DPYS: variants seen among roughly 807,000 people sequenced by gnomAD.
DPYS encodes the protein dihydropyrimidinase.
Under a neutral mutation model 50.3 loss-of-function variants are expected in DPYS, and 39 were observed. The observed-to-expected ratio is 0.78, with a 90% CI of 0.60 to 1.01. The LOEUF (loss-of-function observed/expected upper bound fraction) is 1.01, where lower values mean the gene tolerates loss of function less well. DPYS is among the 50% of genes least tolerant of loss of function. The pLI is 0.00. For missense variants in DPYS, 659 were observed against 680.9 expected, an observed-to-expected ratio of 0.97 and a Z score of 0.36; for synonymous variants, 245 against 250.7, an observed-to-expected ratio of 0.98 and a Z score of 0.22.
intron 4 of DPYS, among the ~76,000 whole-genome samples, chr8:104,431,802 AC>A (rs1812965884): frequency 6.6e-6 from 1 of 152,206 alleles, no homozygotes; most frequent in African/African-American, 2.4e-5. Context: ...AATGTGCTCA[AC>A]ACACACTGGC....
In DPYS at chr8:104,394,252, G is replaced by A. The variant is rs889298061; in HGVS notation, c.1236-1261C>T. ...TGGAAGGGCTGATGAGGAAGCCCCCGCTGCTGTGTGCTGCAGTCCTAGTAA... is the reference window on the plus strand; with the variant it reads ...TGGAAGGGCTGATGAGGAAGCCCCCACTGCTGTGTGCTGCAGTCCTAGTAA... On this transcript the variant is annotated intron_variant, in intron 7 of 9. Coordinates refer to ENST00000351513, the MANE Select transcript of DPYS (RefSeq NM_001385.3). 4.6e-5 allele frequency among the ~76,000 whole-genome samples: 7 copies of A among 152,292 alleles called. No homozygotes were observed. In the South Asian group the frequency reaches 6.2e-4, roughly 14 times the overall value.
chr8:104,386,353 T>A (rs1811211992), intron 8 of DPYS, among the ~76,000 whole-genome samples: 1 of 151,762 alleles, frequency 6.6e-6, no homozygotes, highest in African/African-American at 2.4e-5. Context: ...GTCAACATGG[T>A]GAAACCCCGT....
intron 5 of DPYS, among the ~76,000 whole-genome samples, chr8:104,428,490 G>C (rs1242381942): frequency 6.6e-6 from 1 of 152,248 alleles, no homozygotes; most frequent in African/African-American, 2.4e-5. Flanking sequence ...AAATATGTGA[G>C]AGAAAACTCC....
chr8:104,466,573 C>T lies in DPYS; in HGVS notation c.264+84G>A, dbSNP rs761896426. ...CTCGGCGCCGCGCCGCGCGAGGCGG[C>T]CCTGCTGAGGACCCCGGGACGACTG... On this transcript the variant is annotated intron_variant, in intron 1 of 9. Coordinates refer to ENST00000351513, the MANE Select transcript of DPYS (RefSeq NM_001385.3). The T allele has an allele frequency of 9.3e-4, 1,287 of 1,384,928 alleles. 3 individuals are homozygous for T. The highest frequency in any genetic ancestry group is 1.1e-3 in the Non-Finnish European group (1,217 of 1,066,428). 85.8% of individuals were successfully genotyped at this position (1,384,928 alleles called of 1,614,324 possible).
At position 104,455,552 on chromosome 8, in the gene DPYS, G is replaced by A. The variant is rs1156624818; in HGVS notation, c.265-4148C>T. On this transcript the variant is annotated intron_variant, in intron 1 of 9. Transcript: ENST00000351513. Reference sequence around the variant, plus strand: ...AACATCCTGAGAGTGAGGTGCTTGGGCACGTGTCCACCTGGTGGCATTTGC... The same window carrying A: ...AACATCCTGAGAGTGAGGTGCTTGGACACGTGTCCACCTGGTGGCATTTGC... Among the ~76,000 whole-genome samples the A allele has an allele frequency of 2.0e-5, 3 of 152,210 alleles. No homozygotes were observed. The East Asian group carries it at 5.8e-4, about 29-fold the overall frequency.
At chr8:104,437,264 A>G (rs1813184833) in intron 4 of DPYS, among the ~76,000 whole-genome samples, 1 of 152,146 alleles carries the variant, frequency 6.6e-6, no homozygotes, top group Admixed American at 6.5e-5. Context: ...TAGCCTTGTC[A>G]GAGGTGTTCC....
At chr8:104,392,697 C>T in intron 8 of DPYS, 87 bp downstream of exon 8, 4 of 1,520,776 alleles carry the variant, frequency 2.6e-6, no homozygotes, top group Non-Finnish European at 3.6e-6. Flanking sequence ...GATGTGTCAA[C>T]ACCACTACTA....
chr8:104,462,377 A>C (rs766213529), intron 1 of DPYS, among the ~76,000 whole-genome samples: 9 of 152,218 alleles, frequency 5.9e-5, no homozygotes, highest in African/African-American at 1.2e-4. Context: ...TATAAATACA[A>C]CTAAATGTGT....
intron 5 of DPYS, among the ~76,000 whole-genome samples, chr8:104,428,557 AGGGCAGGCCCTCCG>A (rs1045295987): frequency 3.3e-5 from 5 of 152,252 alleles, no homozygotes; most frequent in Non-Finnish European, 4.4e-5. Context: ...TCATGAATGG[AGGGCAGGCCCTCCG>A]GGGCAGTCCC....
At chr8:104,462,456 T>C (rs1814204947) in intron 1 of DPYS, among the ~76,000 whole-genome samples, 1 of 152,210 alleles carries the variant, frequency 6.6e-6, no homozygotes, top group Non-Finnish European at 1.5e-5. Context: ...AATGGCATTT[T>C]ACCAAAAAGT....
At chr8:104,415,001 AG>A (rs987878017) in intron 7 of DPYS, among the ~76,000 whole-genome samples, 2 of 152,222 alleles carry the variant, frequency 1.3e-5, no homozygotes, top group South Asian at 2.1e-4. Context: ...TTTAATTCAA[AG>A]GGGGGAAGAA....
rs1417573562 is a variant in DPYS at position 104,466,677 on chromosome 8, C to T, written c.244G>A (p.Asp82Asn). ...FPFMGSRSID[D>N]FHQGTKAALS... is the part of the protein sequence containing the mutation. ...GGTACCTTGGTGCCCTGGTGGAAGTCGTCGATGGACCGCGAGCCCATGAAG... is the reference window on the plus strand; with the variant it reads ...GGTACCTTGGTGCCCTGGTGGAAGTTGTCGATGGACCGCGAGCCCATGAAG... Residue 82 changes from aspartate (D) to asparagine (N), a missense_variant, in exon 1 of 10, where the codon GAC (aspartate) becomes AAC (asparagine). Physicochemically the swap from Asp to Asn is conservative, Grantham distance 23. Transcript: ENST00000351513. The T allele has an allele frequency of 2.0e-6, 3 of 1,524,516 alleles. No homozygotes were observed. The highest frequency in any genetic ancestry group is 2.0e-5 in the Admixed American group (1 of 49,912). The allele number at this position is 1,524,516 out of a possible 1,614,324, so 94.4% of individuals were successfully genotyped here.
intron 8 of DPYS, among the ~76,000 whole-genome samples, chr8:104,385,673 CT>C: frequency 6.6e-6 from 1 of 152,192 alleles, no homozygotes; most frequent in South Asian, 2.1e-4. Context: ...AGAGGTGAGA[CT>C]TTTGAGAGAT....
intron 7 of DPYS, among the ~76,000 whole-genome samples, chr8:104,416,006 T>C (rs6468925): frequency 0.69 from 105,556 of 152,034 alleles, 37,341 homozygotes; most frequent in African/African-American, 0.8. Flanking sequence ...CATCTTATGA[T>C]GCTACCTTAA....
chr8:104,414,649 T>C (rs1361424199), intron 7 of DPYS, among the ~76,000 whole-genome samples: 1 of 152,178 alleles, frequency 6.6e-6, no homozygotes, highest in East Asian at 1.9e-4. Context: ...GGTGATTTCT[T>C]CTAAGGCCTT....
Position 104,379,520 on chromosome 8 carries a change from A to AG in DPYS, c.*337dup, listed in dbSNP as rs1810962386. The AG allele has an allele frequency of 5.9e-6, 1 of 170,142 alleles. No homozygotes were observed. The highest frequency in any genetic ancestry group is 6.0e-5 in the Admixed American group (1 of 16,662). 10.5% of individuals were successfully genotyped at this position (170,142 alleles called of 1,614,324 possible). A position where few individuals can be genotyped will look rare whatever the true frequency, so the allele number is the denominator to read the frequency against. On this transcript the variant is annotated 3_prime_UTR_variant, in exon 10 of 10. Coordinates refer to ENST00000351513, the MANE Select transcript of DPYS (RefSeq NM_001385.3). ...CTAATGTAACCATTTTTTTAAAAAA[A>AG]GAAACTATTTAAACAAGAAAATGAT...
chr8:104,381,885 T>G (rs67461499), intron 8 of DPYS, among the ~76,000 whole-genome samples: 2 of 32,890 alleles, frequency 6.1e-5, no homozygotes, highest in South Asian at 1.4e-3. Context: ...CACACACACA[T>G]ACACACAGAC....
chr8:104,416,762 C>G (rs1031143079), intron 7 of DPYS, among the ~76,000 whole-genome samples: 9 of 152,056 alleles, frequency 5.9e-5, no homozygotes, highest in Non-Finnish European at 2.9e-5. Context: ...AGGGAAAATG[C>G]TTCATAGCTT....
intron 7 of DPYS, among the ~76,000 whole-genome samples, chr8:104,407,195 A>G (rs1812025178): frequency 6.6e-6 from 1 of 152,166 alleles, no homozygotes; most frequent in South Asian, 2.1e-4. Flanking sequence ...TTATAAATGG[A>G]GCAATAGAGG....
Sources: allele counts gnomAD v4.1 joint callset (sites outside exome capture counted in the v4.1 genomes callset), GRCh38; gene constraint gnomAD v4.1.1; transcripts MANE v1.5; gene names NCBI Gene and HGNC (gene_info 2026-07-23, HGNC 2026-07-21).